Variants in TEX9 observed in about 807,000 individuals in gnomAD.
TEX9 encodes testis-expressed protein 9.
A neutral mutation model predicts 59.6 loss-of-function variants in TEX9; 74 were observed. The observed-to-expected ratio is 1.24, with a 90% CI of 1.03 to 1.51. The LOEUF (loss-of-function observed/expected upper bound fraction) is 1.51, where lower values mean the gene tolerates loss of function less well. Ranked by LOEUF, TEX9 falls within the 40% of genes most tolerant of loss-of-function variation. TEX9 has a pLI of 0.00. For missense variants in TEX9, 522 were observed against 447.8 expected (o/e 1.17, Z -1.49); for synonymous variants, 186 against 152.2 (o/e 1.22, Z -1.64).
intron 1 of TEX9, among the ~76,000 whole-genome samples, chr15:56,267,778 T>G (rs1267846756): frequency 6.6e-6 from 1 of 152,190 alleles, no homozygotes; most frequent in African/African-American, 2.4e-5. Context: ...TCCAGCTTTG[T>G]TCTTTTTGCT....
At chr15:56,264,527 T>G (rs1380364235) in intron 1 of TEX9, among the ~76,000 whole-genome samples, 1 of 152,224 alleles carries the variant, frequency 6.6e-6, no homozygotes, top group Non-Finnish European at 1.5e-5. Context: ...CTCAGTCTGT[T>G]GCTTGTCTTT....
chr15:56,446,278 TAATTC>T (rs1372775945), downstream of TEX9, among the ~76,000 whole-genome samples: 7 of 152,006 alleles, frequency 4.6e-5, no homozygotes, highest in African/African-American at 1.7e-4. Flanking sequence ...AATTAACTGT[TAATTC>T]AGTAAACCCT....
Position 56,263,789 on chromosome 15 carries a change from A to G in TEX9, c.-107+19511A>G, listed in dbSNP as rs542877150. Reference sequence around the variant, plus strand: ...TTTTACCTTTATAAAATATCATATAAGTGGAACGATATAATATGAAGCATT... The same window carrying G: ...TTTTACCTTTATAAAATATCATATAGGTGGAACGATATAATATGAAGCATT... On this transcript the variant is annotated intron_variant, in intron 1 of 5. Coordinates refer to the TEX9 transcript ENST00000560827. 3.9e-5 allele frequency among the ~76,000 whole-genome samples: 6 copies of G among 152,320 alleles called. No individual in the cohort carries two copies. The South Asian group carries it at 1.2e-3, about 32-fold the overall frequency.
In TEX9 at chr15:56,389,315, T is replaced by A; in HGVS notation, c.313-3T>A. On this transcript the variant is annotated splice_polypyrimidine_tract_variant and splice_region_variant and intron_variant, in intron 5 of 12. Transcript: ENST00000352903. ...GTCAATACTTTCAATTCTTTTCATG[T>A]AGCCAAAGACCAAAAACATTGATCC... 6.2e-7 allele frequency: 1 copy of A among 1,608,094 alleles called. No individual in the cohort carries two copies. Among genetic ancestry groups the A allele is most frequent in the South Asian group, 1.1e-5 (1 of 90,660 alleles).
intron 3 of TEX9, among the ~76,000 whole-genome samples, chr15:56,373,981 T>A (rs1324391052): frequency 2.6e-5 from 4 of 152,118 alleles, no homozygotes; most frequent in Non-Finnish European, 5.9e-5. Context: ...GAATAAGAAA[T>A]GTATCATATA....
At chr15:56,365,499 T>A (rs11071264) in intron 1 of TEX9, 22 bp downstream of exon 1, 1 of 1,614,182 alleles carries the variant, frequency 6.2e-7, no homozygotes, top group Non-Finnish European at 8.5e-7. Flanking sequence ...TCCAGGCTCC[T>A]GGGGAGCGTC....
intron 1 of TEX9, among the ~76,000 whole-genome samples, chr15:56,306,648 T>C (rs887837773): frequency 3.7e-4 from 57 of 152,264 alleles, no homozygotes; most frequent in Non-Finnish European, 3.5e-4. Context: ...ATTTAATGGA[T>C]ACAAAAATAT....
chr15:56,438,419 G>T (rs1456835849), intron 12 of TEX9, among the ~76,000 whole-genome samples: 1 of 152,028 alleles, frequency 6.6e-6, no homozygotes, highest in Non-Finnish European at 1.5e-5. Context: ...AATAAATGGT[G>T]CTGGAAAAAC....
chr15:56,280,337 G>T (rs149717850), intron 1 of TEX9, among the ~76,000 whole-genome samples: 2 of 152,288 alleles, frequency 1.3e-5, no homozygotes, highest in African/African-American at 4.8e-5. Flanking sequence ...CTAGGGAAAT[G>T]AAGGATATTA....
At chr15:56,446,943 G>A (rs1250972150), downstream of TEX9, 2 of 1,602,782 alleles carry the variant, frequency 1.2e-6, no homozygotes, top group South Asian at 1.1e-5. Flanking sequence ...TAAGCTCAAT[G>A]CTGTTTAAAA....
chr15:56,280,377 G>T (rs1255831177), intron 1 of TEX9, among the ~76,000 whole-genome samples: 1 of 152,190 alleles, frequency 6.6e-6, no homozygotes, highest in East Asian at 1.9e-4. Context: ...TTCACATTGT[G>T]TAAGCCTTGA....
chr15:56,373,194 G>A (rs190939987), intron 2 of TEX9, among the ~76,000 whole-genome samples: 9 of 152,244 alleles, frequency 5.9e-5, no homozygotes, highest in Non-Finnish European at 7.4e-5. Flanking sequence ...GATAAGTTAC[G>A]TCACTTGAAA....
intron 1 of TEX9, among the ~76,000 whole-genome samples, chr15:56,284,436 A>T (rs2044895445): frequency 6.6e-6 from 1 of 152,192 alleles, no homozygotes; most frequent in African/African-American, 2.4e-5. Flanking sequence ...TCTGGAAAGA[A>T]TATTATATTA....
chr15:56,381,369 C>T (rs1191843885), intron 3 of TEX9, among the ~76,000 whole-genome samples: 2 of 152,158 alleles, frequency 1.3e-5, no homozygotes, highest in African/African-American at 4.8e-5. Context: ...TCTGAAAGGT[C>T]ACATGTCTCT....
At chr15:56,455,595 C>T in the TEX9 span, among the ~76,000 whole-genome samples, 2 of 152,108 alleles carry the variant, frequency 1.3e-5, no homozygotes, top group Admixed American at 6.5e-5. Context: ...ATATGATTAG[C>T]ATTTACTTGG....
At chr15:56,373,771 C>T (rs1596135406) in intron 3 of TEX9, among the ~76,000 whole-genome samples, 1 of 152,128 alleles carries the variant, frequency 6.6e-6, no homozygotes, top group Non-Finnish European at 1.5e-5. Flanking sequence ...TATAAATTCT[C>T]ATTATTAATT....
At position 56,309,693 on chromosome 15, in the gene TEX9, G is replaced by GTTT. The variant is rs60648387; in HGVS notation, c.-106-63719_-106-63717dup. On this transcript the variant is annotated intron_variant, in intron 1 of 5. Transcript: ENST00000560827. ...TCTGGGCCTGGGATTTTTATGGGAA[G>GTTT]TTTTTTTTTTTTTTTTTTTTTTTTT... Among the ~76,000 whole-genome samples, 403 of 60,754 alleles carry GTTT rather than the reference G, an allele frequency of 6.6e-3. 40 individuals carry two copies. Among genetic ancestry groups the GTTT allele is most frequent in the East Asian group, 0.061 (92 of 1,514 alleles). The allele number at this position is 60,754 out of a possible 152,430, so 39.9% of individuals were successfully genotyped here. A position where few individuals can be genotyped will look rare whatever the true frequency, so the allele number is the denominator to read the frequency against.
At chr15:56,362,050 T>G (rs2046799756), upstream of TEX9, among the ~76,000 whole-genome samples, 1 of 152,178 alleles carries the variant, frequency 6.6e-6, no homozygotes, top group Admixed American at 6.5e-5. Flanking sequence ...TCTTTTAAAT[T>G]TATTAAAGTG....
At chr15:56,332,545 A>G (rs1277406323) in intron 1 of TEX9, among the ~76,000 whole-genome samples, 1 of 151,982 alleles carries the variant, frequency 6.6e-6, no homozygotes, top group Non-Finnish European at 1.5e-5. Context: ...GGTGCAGCGC[A>G]CCAGCATGGC....
Sources: allele counts gnomAD v4.1 joint callset (sites outside exome capture counted in the v4.1 genomes callset), GRCh38; gene constraint gnomAD v4.1.1; transcripts MANE v1.5; gene names NCBI Gene and HGNC (gene_info 2026-07-23, HGNC 2026-07-21).